Variants in RANBP17 observed in about 807,000 individuals in gnomAD.
The protein encoded by RANBP17 is ran-binding protein 17.
In RANBP17, 158 loss-of-function variants were observed where a neutral mutation model predicts 141.2. The ratio of observed to expected loss-of-function variants is 1.12; its 90% confidence interval spans 0.98 to 1.28. The LOEUF (loss-of-function observed/expected upper bound fraction) is 1.28, where lower values mean the gene tolerates loss of function less well. Ranked by LOEUF, RANBP17 falls within the 50% of genes most tolerant of loss-of-function variation. The pLI is 0.00. For missense variants in RANBP17, 1,438 were observed against 1,290.7 expected (o/e 1.11, Z -1.75); for synonymous variants, 430 against 450.0 (o/e 0.96, Z 0.56).
In RANBP17 at chr5:171,205,507, C is replaced by T. The variant is rs780326174; in HGVS notation, c.2143-17C>T. On this transcript the variant is annotated splice_polypyrimidine_tract_variant and intron_variant, in intron 19 of 27. Transcript: ENST00000523189. ...CTAACGTGAAAATCAATTACTGTGT[C>T]TCTTTCCCACTGACAGCGTATGTTG... 1 of 1,608,716 alleles carries T rather than the reference C, an allele frequency of 6.2e-7. No homozygotes were observed. The highest frequency in any genetic ancestry group is 1.1e-5 in the South Asian group (1 of 90,936).
intron 14 of RANBP17, among the ~76,000 whole-genome samples, chr5:171,093,494 C>T (rs914307238): frequency 2.0e-5 from 3 of 152,056 alleles, no homozygotes; most frequent in African/African-American, 4.8e-5. Context: ...ATCAAGAACC[C>T]GTTGTATGTG....
chr5:171,098,543 T>C (rs996810507), intron 14 of RANBP17, among the ~76,000 whole-genome samples: 2 of 152,236 alleles, frequency 1.3e-5, no homozygotes, highest in Non-Finnish European at 2.9e-5. Flanking sequence ...ATTAGCCCTT[T>C]GTCAGATGGA....
intron 24 of RANBP17, among the ~76,000 whole-genome samples, chr5:171,253,206 A>G (rs1346240386): frequency 6.6e-6 from 1 of 152,314 alleles, no homozygotes. Flanking sequence ...GTACAGTTCC[A>G]TTCAACAAGG....
At chr5:171,208,500 T>A (rs1762701397) in intron 20 of RANBP17, among the ~76,000 whole-genome samples, 1 of 152,196 alleles carries the variant, frequency 6.6e-6, no homozygotes, top group Non-Finnish European at 1.5e-5. Context: ...AACTGAAGTA[T>A]CAAAAATCCA....
At chr5:171,158,731 T>C (rs1759081483) in intron 14 of RANBP17, among the ~76,000 whole-genome samples, 1 of 152,100 alleles carries the variant, frequency 6.6e-6, no homozygotes, top group Non-Finnish European at 1.5e-5. Flanking sequence ...TCTGACTCAT[T>C]AGAAATGTTT....
intron 14 of RANBP17, among the ~76,000 whole-genome samples, chr5:171,079,809 C>G (rs1785155156): frequency 6.6e-6 from 1 of 152,064 alleles, no homozygotes; most frequent in African/African-American, 2.4e-5. Context: ...TTTTTGCAGA[C>G]ACAAGTATTT....
chr5:171,182,636 G>C (rs181303178), intron 16 of RANBP17, among the ~76,000 whole-genome samples: 1 of 152,196 alleles, frequency 6.6e-6, no homozygotes, highest in Admixed American at 6.5e-5. Context: ...CTAGGCACTT[G>C]AGAAATATTA....
At chr5:171,159,540 C>G (rs1252592412) in intron 14 of RANBP17, among the ~76,000 whole-genome samples, 1 of 151,978 alleles carries the variant, frequency 6.6e-6, no homozygotes, top group Non-Finnish European at 1.5e-5. Flanking sequence ...AGAGAATGCC[C>G]CTTGGGAGCC....
At chr5:171,195,025 A>G (rs1761883124) in intron 18 of RANBP17, among the ~76,000 whole-genome samples, 1 of 152,230 alleles carries the variant, frequency 6.6e-6, no homozygotes, top group Non-Finnish European at 1.5e-5. Context: ...AGCGGAGGTG[A>G]TTAGCTTTGG....
At chr5:170,920,005 C>G (rs542463442) in intron 11 of RANBP17, among the ~76,000 whole-genome samples, 3 of 152,144 alleles carry the variant, frequency 2.0e-5, no homozygotes, top group South Asian at 4.1e-4. Flanking sequence ...ACTTTACTTT[C>G]ATTGCTGAGT....
At chr5:170,968,498 T>A in intron 14 of RANBP17, 121 bp downstream of exon 14, 1 of 914,254 alleles carries the variant, frequency 1.1e-6, no homozygotes, top group Non-Finnish European at 1.8e-6. Flanking sequence ...AATGAATTGA[T>A]GAATTGGTGA....
chr5:171,004,155 A>G (rs1779417173), intron 14 of RANBP17, among the ~76,000 whole-genome samples: 1 of 152,010 alleles, frequency 6.6e-6, no homozygotes, highest in Non-Finnish European at 1.5e-5. Context: ...GTGTGGGGTA[A>G]GGGTGATTAG....
At chr5:170,904,655 C>T (rs1397290570) in intron 5 of RANBP17, among the ~76,000 whole-genome samples, 2 of 152,066 alleles carry the variant, frequency 1.3e-5, no homozygotes, top group Non-Finnish European at 2.9e-5. Context: ...ATCCTAGTAC[C>T]TGAACTTCAG....
At chr5:170,993,483 T>G (rs1344106654) in intron 14 of RANBP17, among the ~76,000 whole-genome samples, 1 of 152,032 alleles carries the variant, frequency 6.6e-6, no homozygotes, top group East Asian at 1.9e-4. Flanking sequence ...GTTTCTAGGA[T>G]TTTGGCTTCA....
chr5:171,285,361 C>T (rs1347286902), intron 25 of RANBP17, among the ~76,000 whole-genome samples: 1 of 152,184 alleles, frequency 6.6e-6, no homozygotes, highest in African/African-American at 2.4e-5. Context: ...GGTAGTCATT[C>T]AGGAAGTACC....
intron 26 of RANBP17, among the ~76,000 whole-genome samples, chr5:171,294,723 C>A (rs187525238): frequency 3.3e-5 from 5 of 152,222 alleles, no homozygotes; most frequent in Non-Finnish European, 2.9e-5. Context: ...TAGCCACATT[C>A]AGTAGCACTG....
intron 14 of RANBP17, among the ~76,000 whole-genome samples, chr5:171,099,843 T>A (rs1359757949): frequency 6.6e-6 from 1 of 152,214 alleles, no homozygotes; most frequent in African/African-American, 2.4e-5. Context: ...AGGCTTTTTC[T>A]GCGTCTATTG....
At chr5:171,254,977 C>T (rs572676016) in intron 24 of RANBP17, among the ~76,000 whole-genome samples, 2 of 152,276 alleles carry the variant, frequency 1.3e-5, no homozygotes, top group Admixed American at 1.3e-4. Flanking sequence ...ATAAGCAGAT[C>T]TTTAACAGGG....
chr5:170,996,455 A>G (rs1011336801), intron 14 of RANBP17, among the ~76,000 whole-genome samples: 3 of 152,132 alleles, frequency 2.0e-5, no homozygotes, highest in African/African-American at 4.8e-5. Flanking sequence ...GATTTGTTTT[A>G]TCCGTACTGT....
Sources: allele counts gnomAD v4.1 joint callset (sites outside exome capture counted in the v4.1 genomes callset), GRCh38; gene constraint gnomAD v4.1.1; transcripts MANE v1.5; gene names NCBI Gene and HGNC (gene_info 2026-07-23, HGNC 2026-07-21).